The following NELL2 variants were observed in gnomAD, a reference collection of about 807,000 sequenced individuals.
The protein encoded by NELL2 is neural EGFL like 2, also known as protein kinase C-binding protein NELL2.
In NELL2, 41 loss-of-function variants were observed where a neutral mutation model predicts 109.6. The observed-to-expected ratio is 0.37, with a 90% CI of 0.29 to 0.49. The LOEUF is 0.49. Ranked by LOEUF, NELL2 falls within the 20% of genes least tolerant of loss-of-function variation. NELL2 has a pLI of 0.98. For missense variants in NELL2, 900 were observed against 1,008.3 expected (o/e 0.89, Z 1.45); for synonymous variants, 355 against 344.7 (o/e 1.03, Z -0.33).
intron 9 of NELL2, among the ~76,000 whole-genome samples, chr12:44,760,979 TATC>T (rs766138661): frequency 6.6e-6 from 1 of 152,212 alleles, no homozygotes; most frequent in Non-Finnish European, 1.5e-5. Context: ...AGATAAGTTT[TATC>T]ATAAAAAGAC....
chr12:44,669,288 G>A (rs1948055873), intron 12 of NELL2, among the ~76,000 whole-genome samples: 1 of 152,160 alleles, frequency 6.6e-6, no homozygotes, highest in South Asian at 2.1e-4. Flanking sequence ...AGGAGAGGCT[G>A]TTACACCACA....
At chr12:44,579,014 G>C (rs1026305315) in intron 15 of NELL2, among the ~76,000 whole-genome samples, 13 of 152,032 alleles carry the variant, frequency 8.6e-5, no homozygotes, top group African/African-American at 3.1e-4. Context: ...ATTCAGGTTT[G>C]GAGCTCAGAG....
chr12:44,793,967 A>C (rs1177161592), intron 3 of NELL2, among the ~76,000 whole-genome samples: 1 of 152,154 alleles, frequency 6.6e-6, no homozygotes, highest in East Asian at 1.9e-4. Context: ...TTGATCAATC[A>C]TTTTTCTAAA....
chr12:44,576,897 A>G (rs1340723355), intron 15 of NELL2, among the ~76,000 whole-genome samples: 5 of 148,982 alleles, frequency 3.4e-5, no homozygotes, highest in Admixed American at 6.7e-5. Flanking sequence ...ATGGCTGCAT[A>G]GTATTCCATG....
At position 44,904,406 on chromosome 12, in the gene NELL2, G is replaced by A. The variant is rs566808734; in HGVS notation, c.38+9393C>T. ...AATATGTGTAGAAGTGATACTCAAC[G>A]CTTGCAGGTCTGGCTCATAAAACTT... On this transcript the variant is annotated intron_variant, in intron 1 of 20. Coordinates refer to the NELL2 transcript ENST00000333837. Among the ~76,000 whole-genome samples the A allele has an allele frequency of 3.9e-5, 6 of 152,218 alleles. No homozygotes were observed. The East Asian group carries it at 7.7e-4, about 20-fold the overall frequency.
At chr12:44,756,102 A>G (rs951818007) in intron 9 of NELL2, among the ~76,000 whole-genome samples, 1 of 152,022 alleles carries the variant, frequency 6.6e-6, no homozygotes. Context: ...CATGGACTCA[A>G]CTCCTTTAAC....
intron 2 of NELL2, among the ~76,000 whole-genome samples, chr12:44,831,675 C>T (rs146782854): frequency 3.3e-5 from 5 of 152,178 alleles, no homozygotes; most frequent in Admixed American, 1.3e-4. Flanking sequence ...AAGTGACAGG[C>T]GTTATGATCC....
chr12:44,920,539 A>C (rs1307185691), intron 1 of NELL2, among the ~76,000 whole-genome samples: 17 of 152,210 alleles, frequency 1.1e-4, no homozygotes. Flanking sequence ...CAGTGAATCC[A>C]AATGTTTAAT....
rs1204061136 is a variant in NELL2, at chr12:44,508,604, TGC to T, written c.*328_*329del. ...GATTCTGATCTAGAGGAAAATTTTC[TGC>T]ACCAGTGAAGCTAGAGGCTTTCACA... is the stretch of plus-strand genomic sequence containing the variant. On this transcript the variant is annotated 3_prime_UTR_variant, in exon 20 of 20. Coordinates refer to ENST00000429094, the MANE Select transcript of NELL2 (RefSeq NM_001145108.2). The T allele has an allele frequency of 8.4e-5, 17 of 202,434 alleles. No homozygotes were observed. The highest frequency in any genetic ancestry group is 3.5e-4 in the African/African-American group (15 of 43,290). The allele number at this position is 202,434 out of a possible 1,614,324, so 12.5% of individuals were successfully genotyped here.
intron 13 of NELL2, among the ~76,000 whole-genome samples, chr12:44,612,726 G>A (rs1945666049): frequency 6.6e-6 from 1 of 151,924 alleles, no homozygotes; most frequent in South Asian, 2.1e-4. Flanking sequence ...GCAATTCGAA[G>A]TGCCGCAGTT....
At chr12:44,559,567 C>T (rs1943390738) in intron 15 of NELL2, among the ~76,000 whole-genome samples, 4 of 151,902 alleles carry the variant, frequency 2.6e-5, no homozygotes, top group African/African-American at 7.3e-5. Context: ...CAACAAAGGA[C>T]AAAAAAGACA....
At chr12:44,893,629 T>C (rs754561625) in intron 1 of NELL2, among the ~76,000 whole-genome samples, 1 of 152,180 alleles carries the variant, frequency 6.6e-6, no homozygotes, top group African/African-American at 2.4e-5. Context: ...CAGGCACCTG[T>C]TCTGTCTTAA....
intron 9 of NELL2, among the ~76,000 whole-genome samples, chr12:44,736,041 C>T (rs1012093266): frequency 3.4e-4 from 40 of 117,066 alleles, no homozygotes; most frequent in South Asian, 5.9e-4. Context: ...GACGGAGTTT[C>T]GCTCTGTTGC....
rs534553981 is a variant in NELL2, at chr12:44,558,241, A to G, written c.1664-25520T>C. 1.3e-3 allele frequency among the ~76,000 whole-genome samples: 204 copies of G among 152,320 alleles called. 1 individual carries two copies. Among genetic ancestry groups the G allele is most frequent in the Admixed American group, 3.8e-3 (58 of 15,308 alleles). On this transcript the variant is annotated intron_variant, in intron 15 of 19. Transcript: ENST00000429094. ...AAAGTACAAAATGGATAATCGATTG[A>G]GCTCTAATCCAATTTCACTATTTCT...
At chr12:44,669,117 A>G (rs1948051321) in intron 12 of NELL2, among the ~76,000 whole-genome samples, 1 of 152,216 alleles carries the variant, frequency 6.6e-6, no homozygotes, top group African/African-American at 2.4e-5. Flanking sequence ...TCACTGAGGA[A>G]CTCATAGATA....
At chr12:44,572,256 C>T (rs1348235439) in intron 15 of NELL2, among the ~76,000 whole-genome samples, 1 of 152,102 alleles carries the variant, frequency 6.6e-6, no homozygotes, top group African/African-American at 2.4e-5. Flanking sequence ...ATTCTTCTGC[C>T]TCAGTCTTTT....
At chr12:44,862,530 T>C (rs945193127) in intron 2 of NELL2, among the ~76,000 whole-genome samples, 12 of 152,214 alleles carry the variant, frequency 7.9e-5, no homozygotes, top group Admixed American at 7.8e-4. Context: ...GTTCTGTTAA[T>C]AAATAACTCT....
At chr12:44,828,986 A>AG (rs1487976153) in intron 2 of NELL2, among the ~76,000 whole-genome samples, 1 of 152,112 alleles carries the variant, frequency 6.6e-6, no homozygotes, top group Non-Finnish European at 1.5e-5. Context: ...TTGGCACTTG[A>AG]GTTTATAATC....
intron 15 of NELL2, among the ~76,000 whole-genome samples, chr12:44,602,463 G>A (rs1945255881): frequency 1.3e-5 from 2 of 152,130 alleles, no homozygotes; most frequent in South Asian, 4.1e-4. Flanking sequence ...TTAATGATTT[G>A]TGTACATGAA....
Sources: gnomAD v4.1 joint callset for allele counts (sites outside exome capture counted in the v4.1 genomes callset) on GRCh38, gnomAD v4.1.1 for gene constraint, MANE v1.5 for transcripts, NCBI Gene and HGNC (gene_info 2026-07-23, HGNC 2026-07-21) for gene names.